Variants in RBMS3 observed in about 807,000 individuals in gnomAD.
The protein encoded by RBMS3 is RNA-binding motif, single-stranded-interacting protein 3.
In RBMS3, 27 loss-of-function variants were observed where a neutral mutation model predicts 66.8. That is an observed-to-expected ratio of 0.40 (90% confidence interval 0.30 to 0.56). The LOEUF (loss-of-function observed/expected upper bound fraction) is 0.56, where lower values mean the gene tolerates loss of function less well. Ranked by LOEUF, RBMS3 falls within the 20% of genes least tolerant of loss-of-function variation. The probability of loss-of-function intolerance (pLI) is 0.40; values close to 1 mark genes in which losing one functional copy is unlikely to be tolerated. For missense variants in RBMS3, 513 were observed against 549.5 expected, an observed-to-expected ratio of 0.93 and a Z score of 0.66; for synonymous variants, 188 against 183.0, an observed-to-expected ratio of 1.03 and a Z score of -0.22.
intron 3 of RBMS3, among the ~76,000 whole-genome samples, chr3:29,525,289 TA>T: frequency 6.6e-6 from 1 of 152,030 alleles, no homozygotes; most frequent in Non-Finnish European, 1.5e-5. Context: ...AAAATAAAAA[TA>T]AAAAGGCCAT....
At chr3:29,686,215 T>G (rs902897314) in intron 4 of RBMS3, among the ~76,000 whole-genome samples, 2 of 152,198 alleles carry the variant, frequency 1.3e-5, no homozygotes, top group Admixed American at 6.5e-5. Flanking sequence ...TCTCTATTAC[T>G]CTAATCAGTA....
intron 4 of RBMS3, among the ~76,000 whole-genome samples, chr3:29,631,248 TA>T (rs2049272180): frequency 6.6e-6 from 1 of 151,880 alleles, no homozygotes; most frequent in Non-Finnish European, 1.5e-5. Flanking sequence ...TCTACTTTTT[TA>T]CAGCTTTCTA....
intron 2 of RBMS3, among the ~76,000 whole-genome samples, chr3:29,461,812 G>A (rs1020794119): frequency 1.3e-5 from 2 of 151,378 alleles, no homozygotes; most frequent in Non-Finnish European, 2.9e-5. Flanking sequence ...GGACTGCAGT[G>A]GTGCGATCTC....
intron 6 of RBMS3, among the ~76,000 whole-genome samples, chr3:29,834,451 TG>T (rs993451125): frequency 1.3e-5 from 2 of 151,886 alleles, no homozygotes; most frequent in African/African-American, 4.8e-5. Context: ...AAACTTAAAA[TG>T]GGGTGGGCAG....
At chr3:29,621,015 C>T (rs1016092512) in intron 4 of RBMS3, among the ~76,000 whole-genome samples, 14 of 152,030 alleles carry the variant, frequency 9.2e-5, no homozygotes, top group Non-Finnish European at 4.4e-5. Context: ...ATGAAGTGCT[C>T]TATTCCATGC....
intron 4 of RBMS3, among the ~76,000 whole-genome samples, chr3:29,636,297 T>C (rs1421541858): frequency 2.0e-5 from 3 of 151,882 alleles, no homozygotes; most frequent in Non-Finnish European, 2.9e-5. Context: ...CAGAATTAAT[T>C]TGAAGTGACT....
chr3:29,582,189 GATAGA>G lies in RBMS3; in HGVS notation c.308-4924_308-4920del, dbSNP rs1559486265. Among the ~76,000 whole-genome samples the G allele has an allele frequency of 7.9e-3, 1,192 of 151,418 alleles. 8 individuals are homozygous for G. Among genetic ancestry groups the G allele is most frequent in the African/African-American group, 0.028 (1,148 of 41,082 alleles). Reference sequence around the variant, plus strand: ...AGATAGATAGATAGATAGATAGATAGATAGATACACACACACATACATACAGTTTT... The same window carrying G: ...AGATAGATAGATAGATAGATAGATAGTACACACACACATACATACAGTTTT... On this transcript the variant is annotated intron_variant, in intron 3 of 14. Coordinates refer to ENST00000383767, the MANE Select transcript of RBMS3 (RefSeq NM_001003793.3).
chr3:29,753,808 T>A (rs2055289400), intron 5 of RBMS3, among the ~76,000 whole-genome samples: 1 of 152,188 alleles, frequency 6.6e-6, no homozygotes, highest in Non-Finnish European at 1.5e-5. Flanking sequence ...AAGAAGAATG[T>A]TTAGATTTGT....
At chr3:29,996,451 TC>T (rs1198102876) in intron 14 of RBMS3, among the ~76,000 whole-genome samples, 1 of 149,990 alleles carries the variant, frequency 6.7e-6, no homozygotes, top group Non-Finnish European at 1.5e-5. Flanking sequence ...CCACCCCAAA[TC>T]AACAGAATAT....
At chr3:29,770,822 G>T (rs1253617955) in intron 6 of RBMS3, among the ~76,000 whole-genome samples, 1 of 151,940 alleles carries the variant, frequency 6.6e-6, no homozygotes, top group Non-Finnish European at 1.5e-5. Flanking sequence ...ACACAAGCCA[G>T]GGAAACCAAA....
chr3:29,809,954 G>A (rs7651843), intron 6 of RBMS3, among the ~76,000 whole-genome samples: 76,602 of 151,736 alleles, frequency 0.5, 20,233 homozygotes, highest in African/African-American at 0.59. Context: ...TTGATTAGAT[G>A]TTTTCAAATT....
chr3:29,433,100 A>G (rs752875064), intron 1 of RBMS3, among the ~76,000 whole-genome samples: 1 of 146,064 alleles, frequency 6.8e-6, no homozygotes, highest in Non-Finnish European at 1.5e-5. Flanking sequence ...TTCATGTTGA[A>G]TATGTTTCTT....
intron 4 of RBMS3, among the ~76,000 whole-genome samples, chr3:29,679,870 T>C (rs1350440965): frequency 1.3e-5 from 2 of 152,036 alleles, no homozygotes; most frequent in Admixed American, 6.6e-5. Flanking sequence ...ATTCTGATCT[T>C]AATTCTGCTT....
At chr3:29,345,364 G>C (rs1559503986) in intron 1 of RBMS3, among the ~76,000 whole-genome samples, 1 of 152,184 alleles carries the variant, frequency 6.6e-6, no homozygotes, top group African/African-American at 2.4e-5. Flanking sequence ...ATAGATTTCA[G>C]TTTTCTTGAC....
At chr3:29,975,345 C>A (rs1226263670) in intron 12 of RBMS3, among the ~76,000 whole-genome samples, 18 of 151,318 alleles carry the variant, frequency 1.2e-4, no homozygotes, top group Admixed American at 1.1e-3. Flanking sequence ...TTGACAATGC[C>A]AAACAATTTT....
chr3:29,767,977 T>C (rs2056007665), intron 6 of RBMS3, among the ~76,000 whole-genome samples: 1 of 151,942 alleles, frequency 6.6e-6, no homozygotes, highest in Non-Finnish European at 1.5e-5. Context: ...GGGCAAAAAA[T>C]ATGTCTTGAT....
At chr3:29,772,712 A>G (rs2056263912) in intron 6 of RBMS3, among the ~76,000 whole-genome samples, 1 of 152,042 alleles carries the variant, frequency 6.6e-6, no homozygotes, top group Non-Finnish European at 1.5e-5. Flanking sequence ...AGGCCAGGGT[A>G]ATCAGACGTC....
In RBMS3 at chr3:30,003,866, G is replaced by A. The variant is rs575955788; in HGVS notation, c.*4G>A. 6.9e-7 allele frequency: 1 copy of A among 1,451,150 alleles called. No homozygotes were observed. The highest frequency in any genetic ancestry group is 9.1e-7 in the Non-Finnish European group (1 of 1,096,270). The allele number at this position is 1,451,150 out of a possible 1,614,324, so 89.9% of individuals were successfully genotyped here. A position where few individuals can be genotyped will look rare whatever the true frequency, so the allele number is the denominator to read the frequency against. On this transcript the variant is annotated 3_prime_UTR_variant, in exon 15 of 15. Coordinates refer to ENST00000383767, the MANE Select transcript of RBMS3 (RefSeq NM_001003793.3). ...CAATTGTTTTCACAGACCATAAACA[G>A]GACTGAAGAATGTCTGTCTGAATCT...
At chr3:29,442,958 C>T (rs145470001) in intron 2 of RBMS3, among the ~76,000 whole-genome samples, 41 of 152,164 alleles carry the variant, frequency 2.7e-4, no homozygotes, top group Middle Eastern at 6.8e-3. Flanking sequence ...AAACTGTCTG[C>T]TCTTTATTAC....
Sources: gnomAD v4.1 joint callset for allele counts (sites outside exome capture counted in the v4.1 genomes callset) on GRCh38, gnomAD v4.1.1 for gene constraint, MANE v1.5 for transcripts, NCBI Gene and HGNC (gene_info 2026-07-23, HGNC 2026-07-21) for gene names.